Variants in CCDC195 observed in about 807,000 individuals in gnomAD.
CCDC195 encodes coiled-coil domain-containing protein 195.
chr2:224,706,917 G>A (rs552236043), intron 2 of CCDC195, among the ~76,000 whole-genome samples: 323 of 150,526 alleles, frequency 2.1e-3, no homozygotes, highest in Admixed American at 3.2e-3. Context: ...ACACACACGC[G>A]CACTTTTTTT....
At chr2:224,711,228 G>A (rs1689315058) in intron 1 of CCDC195, among the ~76,000 whole-genome samples, 1 of 152,152 alleles carries the variant, frequency 6.6e-6, no homozygotes, top group Non-Finnish European at 1.5e-5. Flanking sequence ...AAAGATGCAT[G>A]GTGTGGGAAA....
intron 2 of CCDC195, among the ~76,000 whole-genome samples, chr2:224,706,851 A>G (rs1697245764): frequency 1.3e-5 from 2 of 151,554 alleles, no homozygotes; most frequent in African/African-American, 2.4e-5. Flanking sequence ...TAGTGCTGCT[A>G]TAGAACTGGA....
At chr2:224,716,302 C>T (rs1343498118) in exon 1 of CCDC195, 1 of 398,556 alleles carries the variant, frequency 2.5e-6, no homozygotes, top group Non-Finnish European at 4.4e-6. Flanking sequence ...TTCTCTTTCT[C>T]CAGTTTGTGG....
chr2:224,713,435 C>G (rs951469434), intron 1 of CCDC195, among the ~76,000 whole-genome samples: 8 of 152,060 alleles, frequency 5.3e-5, no homozygotes, highest in Non-Finnish European at 1.2e-4. Context: ...AGAGAGTGAT[C>G]ATAAAAAGCT....
chr2:224,705,513 G>C (rs1559318963), intron 2 of CCDC195, among the ~76,000 whole-genome samples: 1 of 152,192 alleles, frequency 6.6e-6, no homozygotes, highest in East Asian at 1.9e-4. Context: ...CAAGCAAATT[G>C]GTTATGATGT....
chr2:224,714,267 G>A (rs1371550459), intron 1 of CCDC195, among the ~76,000 whole-genome samples: 2 of 152,160 alleles, frequency 1.3e-5, no homozygotes, highest in Admixed American at 1.3e-4. Flanking sequence ...TAAGCTTGAT[G>A]ATGTTTAGAC....
At chr2:224,706,954 A>G (rs1016106350) in intron 2 of CCDC195, among the ~76,000 whole-genome samples, 2 of 150,752 alleles carry the variant, frequency 1.3e-5, no homozygotes, top group African/African-American at 2.4e-5. Context: ...TATCTCTGCC[A>G]TTCTTCTGTT....
chr2:224,714,940 T>A (rs1298063038), intron 1 of CCDC195, among the ~76,000 whole-genome samples: 1 of 152,124 alleles, frequency 6.6e-6, no homozygotes, highest in Non-Finnish European at 1.5e-5. Flanking sequence ...TTTCCTTTTT[T>A]TCTTTTTGAG....
chr2:224,712,568 G>C (rs577570138), intron 1 of CCDC195, among the ~76,000 whole-genome samples: 2 of 152,252 alleles, frequency 1.3e-5, no homozygotes, highest in East Asian at 1.9e-4. Flanking sequence ...GGGGAAGTAG[G>C]GTTCTCCATT....
intron 1 of CCDC195, among the ~76,000 whole-genome samples, chr2:224,710,712 G>A (rs543753891): frequency 1.3e-5 from 2 of 152,274 alleles, no homozygotes; most frequent in South Asian, 4.2e-4. Context: ...CATATGCCAG[G>A]ATCTTTTTTA....
intron 2 of CCDC195, among the ~76,000 whole-genome samples, chr2:224,704,605 CTTTTCTTTTTTT>C (rs1559318416): frequency 2.2e-4 from 24 of 109,674 alleles, no homozygotes; most frequent in African/African-American, 6.2e-4. Context: ...TTTTTCTTTT[CTTTTCTTTTTTT>C]TTTTTTTTTC....
intron 1 of CCDC195, among the ~76,000 whole-genome samples, chr2:224,715,045 C>T (rs1689363509): frequency 6.6e-6 from 1 of 152,164 alleles, no homozygotes. Flanking sequence ...TCTCCTGCCT[C>T]AGCCTCCCCA....
At chr2:224,714,545 C>T (rs10198809) in intron 1 of CCDC195, among the ~76,000 whole-genome samples, 23,010 of 152,198 alleles carry the variant, frequency 0.15, 2,039 homozygotes, top group East Asian at 0.28. Flanking sequence ...ACTCCAGCAT[C>T]TAGTGGTTAG....
At position 224,710,355 on chromosome 2, in the gene CCDC195, C is replaced by T. The variant is rs1574756754; in HGVS notation, c.236-136G>A. The T allele has an allele frequency of 1.5e-5, 6 of 393,998 alleles. No homozygotes were observed. The South Asian group carries it at 4.3e-4, about 28-fold the overall frequency. The allele number at this position is 393,998 out of a possible 1,614,324, so 24.4% of individuals were successfully genotyped here. A position where few individuals can be genotyped will look rare whatever the true frequency, so the allele number is the denominator to read the frequency against. ...ATTACTTTTTTGGCATAAAAGATAT[C>T]CATTTGGCCTGGCGCGGTGGCTCAC... On this transcript the variant is annotated intron_variant, in intron 1 of 2. Coordinates refer to ENST00000638102, the Ensembl canonical transcript of CCDC195.
chr2:224,706,879 G>A (rs1255976901), intron 2 of CCDC195, among the ~76,000 whole-genome samples: 1 of 148,336 alleles, frequency 6.7e-6, no homozygotes, highest in African/African-American at 2.5e-5. Context: ...ATATGTATGT[G>A]TGTCTGTGTG....
At chr2:224,710,912 C>T (rs1689312389) in intron 1 of CCDC195, among the ~76,000 whole-genome samples, 1 of 152,086 alleles carries the variant, frequency 6.6e-6, no homozygotes, top group Non-Finnish European at 1.5e-5. Flanking sequence ...AATTGTGTGG[C>T]CAGGGAAGAC....
intron 2 of CCDC195, among the ~76,000 whole-genome samples, chr2:224,708,360 G>T (rs1298062530): frequency 6.6e-6 from 1 of 152,018 alleles, no homozygotes; most frequent in Non-Finnish European, 1.5e-5. Context: ...AGCATTCCAC[G>T]AGTGGCCTTT....
intron 1 of CCDC195, among the ~76,000 whole-genome samples, chr2:224,713,683 ACAT>A (rs2124854215): frequency 6.6e-6 from 1 of 152,278 alleles, no homozygotes; most frequent in Non-Finnish European, 1.5e-5. Context: ...AAACAGATAA[ACAT>A]CATTTAAAGT....
At chr2:224,716,165 G>A (rs1317149796) in exon 1 of CCDC195, 1 of 398,576 alleles carries the variant, frequency 2.5e-6, no homozygotes, top group African/African-American at 2.1e-5. Flanking sequence ...CTGCATCAGT[G>A]GAAACGGCAC....
Sources: allele counts gnomAD v4.1 joint callset (sites outside exome capture counted in the v4.1 genomes callset), GRCh38; gene constraint gnomAD v4.1.1; transcripts MANE v1.5; gene names NCBI Gene and HGNC (gene_info 2026-07-23, HGNC 2026-07-21).